The following OR1J2 variants were observed in gnomAD, a reference collection of about 807,000 sequenced individuals.
OR1J2 encodes the protein olfactory receptor family 1 subfamily J member 2.
For synonymous variants in OR1J2, 142 were observed against 99.7 expected (o/e 1.42, Z -2.52); for missense variants, 304 against 246.1 (o/e 1.24, Z -1.57).
At chr9:122,535,431 C>T in the OR1J2 span, among the ~76,000 whole-genome samples, 8 of 152,000 alleles carry the variant, frequency 5.3e-5, no homozygotes, top group East Asian at 1.9e-4. Flanking sequence ...TGACAGGCAC[C>T]GGAGTTTTGG....
At chr9:122,489,655 C>T in the OR1J2 span, among the ~76,000 whole-genome samples, 7 of 152,198 alleles carry the variant, frequency 4.6e-5, no homozygotes, top group Admixed American at 6.5e-5. Flanking sequence ...GAGATTTCTC[C>T]GAAACAGTGC....
the OR1J2 span, among the ~76,000 whole-genome samples, chr9:122,464,579 A>G: frequency 1.3e-5 from 2 of 152,184 alleles, no homozygotes; most frequent in African/African-American, 2.4e-5. Flanking sequence ...GGGGGCTGCA[A>G]GTTAGTTTTG....
At chr9:122,469,098 A>G in the OR1J2 span, among the ~76,000 whole-genome samples, 1 of 152,134 alleles carries the variant, frequency 6.6e-6, no homozygotes, top group Non-Finnish European at 1.5e-5. Context: ...TTTACTATTA[A>G]CTACTTCAGC....
the OR1J2 span, among the ~76,000 whole-genome samples, chr9:122,489,315 G>A: frequency 2.6e-5 from 4 of 151,610 alleles, no homozygotes; most frequent in South Asian, 2.1e-4. Context: ...GCCAGACTAC[G>A]GAGGATTCAC....
At chr9:122,527,248 A>ACT in the OR1J2 span, 1 of 1,612,962 alleles carries the variant, frequency 6.2e-7, no homozygotes, top group South Asian at 1.1e-5. Context: ...GGAGGCGCTG[A>ACT]TATTCCTCGG....
At chr9:122,483,065 T>C in the OR1J2 span, among the ~76,000 whole-genome samples, 8 of 152,332 alleles carry the variant, frequency 5.3e-5, no homozygotes, top group South Asian at 2.1e-4. Context: ...ATACAACTTA[T>C]TATACAATGT....
chr9:122,567,846 C>G, the OR1J2 span: 999,748 of 1,612,702 alleles, frequency 0.62, 314,804 homozygotes, highest in East Asian at 0.98. Flanking sequence ...GCAGAGAAAA[C>G]GAGTCACCAA....
chr9:122,509,797 T>G (rs905611323), upstream of OR1J2, among the ~76,000 whole-genome samples: 4 of 152,202 alleles, frequency 2.6e-5, no homozygotes, highest in African/African-American at 9.7e-5. Context: ...TGAGAATTTT[T>G]AGACAGGGAA....
At chr9:122,482,138 T>C in the OR1J2 span, among the ~76,000 whole-genome samples, 1 of 152,078 alleles carries the variant, frequency 6.6e-6, no homozygotes, top group Non-Finnish European at 1.5e-5. Flanking sequence ...ATATCCAGAA[T>C]ATATAAGGAA....
the OR1J2 span, among the ~76,000 whole-genome samples, chr9:122,547,620 A>AGTGTGTGTGTGTGTGTGT: frequency 7.0e-6 from 1 of 142,902 alleles, no homozygotes; most frequent in African/African-American, 2.6e-5. Context: ...GTAGTAGTTC[A>AGTGTGTGTGTGTGTGTGT]GTGTGTGTGT....
upstream of OR1J2, among the ~76,000 whole-genome samples, chr9:122,507,063 C>G (rs1029333520): frequency 2.0e-5 from 3 of 152,188 alleles, no homozygotes; most frequent in African/African-American, 7.2e-5. Flanking sequence ...GCATATTCCT[C>G]TCTGTTTACT....
the OR1J2 span, among the ~76,000 whole-genome samples, chr9:122,470,422 T>A: frequency 6.6e-6 from 1 of 152,192 alleles, no homozygotes; most frequent in African/African-American, 2.4e-5. Context: ...TGCCTAGATT[T>A]CAGATGTATG....
the OR1J2 span, among the ~76,000 whole-genome samples, chr9:122,448,391 C>G: frequency 3.9e-5 from 6 of 152,274 alleles, no homozygotes; most frequent in Admixed American, 3.9e-4. Context: ...AATGTACAAT[C>G]GGGTTTTATA....
At chr9:122,521,502 G>A in the OR1J2 span, among the ~76,000 whole-genome samples, 4 of 152,156 alleles carry the variant, frequency 2.6e-5, no homozygotes, top group Non-Finnish European at 5.9e-5. Context: ...TTCATCGGGG[G>A]CTCATGTAGC....
the OR1J2 span, among the ~76,000 whole-genome samples, chr9:122,537,104 G>A: frequency 2.6e-5 from 4 of 152,170 alleles, no homozygotes; most frequent in Non-Finnish European, 5.9e-5. Flanking sequence ...TAAAATCCGA[G>A]CTCCCCAAAT....
downstream of OR1J2, among the ~76,000 whole-genome samples, chr9:122,513,101 C>G (rs1828659554): frequency 6.6e-6 from 1 of 152,100 alleles, no homozygotes. Flanking sequence ...ACTTCATTTG[C>G]CATGTTTTTT....
the OR1J2 span, among the ~76,000 whole-genome samples, chr9:122,535,332 G>A: frequency 6.6e-6 from 1 of 152,148 alleles, no homozygotes; most frequent in African/African-American, 2.4e-5. Context: ...GTCCCTGCGT[G>A]GTCTGACACC....
At chr9:122,486,373 C>T in the OR1J2 span, among the ~76,000 whole-genome samples, 1 of 152,160 alleles carries the variant, frequency 6.6e-6, no homozygotes, top group African/African-American at 2.4e-5. Flanking sequence ...ATAGCAGGTC[C>T]ATCTGGCTTC....
the OR1J2 span, among the ~76,000 whole-genome samples, chr9:122,458,815 T>C: frequency 6.6e-6 from 1 of 152,158 alleles, no homozygotes; most frequent in East Asian, 1.9e-4. Context: ...CATTGTCTCA[T>C]GAAATATTAC....
Sources: gnomAD v4.1 joint callset for allele counts (sites outside exome capture counted in the v4.1 genomes callset) on GRCh38, gnomAD v4.1.1 for gene constraint, MANE v1.5 for transcripts, NCBI Gene and HGNC (gene_info 2026-07-23, HGNC 2026-07-21) for gene names.